Variants in LTN1 observed in about 807,000 individuals in gnomAD.
LTN1 encodes listerin E3 ubiquitin protein ligase 1.
A neutral mutation model predicts 201.2 loss-of-function variants in LTN1; 88 were observed. The observed-to-expected ratio is 0.44, with a 90% CI of 0.37 to 0.52. The LOEUF (loss-of-function observed/expected upper bound fraction) is 0.52, where lower values mean the gene tolerates loss of function less well. Among genes scored for constraint, LTN1 ranks in the 20% least tolerant of loss-of-function variants. The pLI is 0.00. For missense variants in LTN1, 1,752 were observed against 2,038.7 expected, an observed-to-expected ratio of 0.86 and a Z score of 2.71; for synonymous variants, 645 against 713.5, an observed-to-expected ratio of 0.90 and a Z score of 1.53.
At chr21:28,985,847 G>C (rs1168481254) in intron 3 of LTN1, among the ~76,000 whole-genome samples, 1 of 151,842 alleles carries the variant, frequency 6.6e-6, no homozygotes, top group Non-Finnish European at 1.5e-5. Context: ...TTTTAGTAGA[G>C]ACAGGGTTTC....
chr21:28,984,338 T>C (rs1032904264), intron 4 of LTN1, among the ~76,000 whole-genome samples: 11 of 151,496 alleles, frequency 7.3e-5, no homozygotes, highest in Non-Finnish European at 1.2e-4. Flanking sequence ...AAGTTAGATC[T>C]GTATATATAT....
chr21:28,978,075 C>G (rs2084630537), intron 6 of LTN1, among the ~76,000 whole-genome samples: 1 of 151,972 alleles, frequency 6.6e-6, no homozygotes. Flanking sequence ...TTCCCCTAGG[C>G]TGGAGTGCAG....
intron 6 of LTN1, among the ~76,000 whole-genome samples, chr21:28,972,021 T>C (rs2084578946): frequency 6.6e-6 from 1 of 152,202 alleles, no homozygotes; most frequent in Non-Finnish European, 1.5e-5. Context: ...AATTAGTATG[T>C]TGAAACTTAA....
At chr21:28,951,760 C>A (rs1025924306) in intron 18 of LTN1, among the ~76,000 whole-genome samples, 1 of 152,076 alleles carries the variant, frequency 6.6e-6, no homozygotes, top group African/African-American at 2.4e-5. Flanking sequence ...CTGCTTGAGC[C>A]CAGGAATTCA....
chr21:28,941,108 T>G, intron 25 of LTN1, 112 bp downstream of exon 25: 10 of 719,896 alleles, frequency 1.4e-5, no homozygotes, highest in Non-Finnish European at 2.0e-5. Context: ...TTTTAAAAGA[T>G]GAGATTAAAA....
chr21:28,966,524 T>C lies in LTN1; in HGVS notation c.1967A>G (p.Asn656Ser), dbSNP rs985656126. The change falls in exon 10 of 30, where the codon AAT (asparagine) becomes AGT (serine). Residue 656 changes from asparagine to serine, a missense_variant. Asn to Ser is a conservative substitution (Grantham distance 46, BLOSUM62 1). Transcript: ENST00000361371. Reference protein sequence around the residue: ...PLEIAKLVQKNPAVQFLYQKL... With the variant: ...PLEIAKLVQKSPAVQFLYQKL... ...CTGGTATAAAAACTGCACCGCAGGA[T>C]TTTTTTGTACAAGCTTGGCTATTTC... 6.2e-7 allele frequency: 1 copy of C among 1,614,130 alleles called. No homozygotes were observed. Among genetic ancestry groups the C allele is most frequent in the Non-Finnish European group, 8.5e-7 (1 of 1,179,992 alleles).
At chr21:28,992,382 G>A (rs907256105) in intron 1 of LTN1, among the ~76,000 whole-genome samples, 2 of 152,106 alleles carry the variant, frequency 1.3e-5, no homozygotes, top group Non-Finnish European at 2.9e-5. Flanking sequence ...CACAATCTGC[G>A]GTAACCTCCA....
intron 11 of LTN1, 28 bp downstream of exon 11, chr21:28,965,831 CAAAAAA>C (rs71335064): frequency 1.1e-6 from 1 of 902,210 alleles, no homozygotes; most frequent in East Asian, 3.5e-5. Context: ...CCCATAAATA[CAAAAAA>C]AAAAAGAAAA....
intron 24 of LTN1, among the ~76,000 whole-genome samples, chr21:28,942,441 G>A (rs1960373164): frequency 6.6e-6 from 1 of 152,002 alleles, no homozygotes; most frequent in South Asian, 2.1e-4. Context: ...TCATTTTTAA[G>A]GCCATTTATT....
chr21:28,968,930 G>A (rs961387489), intron 9 of LTN1, among the ~76,000 whole-genome samples: 3 of 150,750 alleles, frequency 2.0e-5, no homozygotes, highest in African/African-American at 7.3e-5. Flanking sequence ...TCTAAAACAG[G>A]GTTTTACAGG....
intron 7 of LTN1, 78 bp from the exon 8 acceptor site, chr21:28,970,820 C>CCTG: frequency 8.9e-7 from 1 of 1,124,074 alleles, no homozygotes; most frequent in East Asian, 2.7e-5. Context: ...AACATATAGG[C>CCTG]TCTCAAAAAG....
At position 28,956,856 on chromosome 21, in the gene LTN1, G is replaced by A. The variant is rs1156402148; in HGVS notation, c.2985C>T (p.Pro995=). The A allele has an allele frequency of 3.1e-6, 5 of 1,610,980 alleles. No individual in the cohort carries two copies. The highest frequency in any genetic ancestry group is 2.2e-5 in the East Asian group (1 of 44,756). ...DFKEQDIKTL[P]SHLCTSALLS... ...ATAATGCTGAAGTACACAAATGGCT[G>A]GGAAGTGTCTTTATGTCCTGTTCCT... The change falls in exon 16 of 30, where the codon CCC becomes CCT. Residue 995 remains proline (P), a synonymous_variant. Coordinates refer to ENST00000361371, the MANE Select transcript of LTN1 (RefSeq NM_015565.3).
intron 6 of LTN1, among the ~76,000 whole-genome samples, chr21:28,979,336 A>G (rs1261190038): frequency 1.3e-5 from 2 of 152,204 alleles, no homozygotes; most frequent in Non-Finnish European, 2.9e-5. Context: ...GGACACATGA[A>G]TGAAGATGTT....
At chr21:28,975,890 C>T (rs939709420) in intron 6 of LTN1, among the ~76,000 whole-genome samples, 37 of 152,248 alleles carry the variant, frequency 2.4e-4, no homozygotes, top group African/African-American at 8.9e-4. Flanking sequence ...CACACGAAAA[C>T]TGTACAAAAC....
intron 6 of LTN1, among the ~76,000 whole-genome samples, chr21:28,973,906 T>C (rs2084595446): frequency 6.6e-6 from 1 of 152,162 alleles, no homozygotes; most frequent in South Asian, 2.1e-4. Flanking sequence ...CTGACAAAGA[T>C]GTCAGAATAA....
At chr21:28,982,275 C>T in intron 5 of LTN1, 41 bp downstream of exon 5, 1 of 1,536,880 alleles carries the variant, frequency 6.5e-7, no homozygotes, top group Non-Finnish European at 9.0e-7. Flanking sequence ...ATGAGTGAAA[C>T]AAATCCTTAA....
In LTN1 at chr21:28,986,937, G is replaced by GAT; in HGVS notation, c.43-5_43-4dup. The GAT allele has an allele frequency of 6.2e-7, 1 of 1,610,554 alleles. No individual in the cohort carries two copies. Among genetic ancestry groups the GAT allele is most frequent in the Non-Finnish European group, 8.5e-7 (1 of 1,176,920 alleles). On this transcript the variant is annotated splice_polypyrimidine_tract_variant and splice_region_variant and intron_variant, in intron 1 of 29. Coordinates refer to ENST00000361371, the MANE Select transcript of LTN1 (RefSeq NM_015565.3). This position sits in a 1 kb window ranked among gnomAD's most constrained non-coding sequence, Gnocchi z 4.1. The stretch of plus-strand genomic sequence containing the variant: ...GCAGCTCGGCCACTGTTTGAAGGCT[G>GAT]ATAAGAAAATTACGGAGAAAAAAGT...
rs1464423334 is a variant in LTN1 at position 28,947,531 on chromosome 21, TTTC to T, written c.3417_3419del (p.Lys1140del). ...CAGGTATACATTGAGCACTAAATTC[TTTC>T]TTTTCTTCTTTTGACAAAAATGGAC... On this transcript the variant is annotated inframe_deletion, in exon 19 of 30. Transcript: ENST00000361371. The T allele has an allele frequency of 6.3e-7, 1 of 1,594,760 alleles. No homozygotes were observed. Among genetic ancestry groups the T allele is most frequent in the Non-Finnish European group, 8.5e-7 (1 of 1,172,762 alleles).
chr21:28,969,837 A>ATTTC (rs2084558627), intron 8 of LTN1, among the ~76,000 whole-genome samples: 1 of 152,048 alleles, frequency 6.6e-6, no homozygotes, highest in Non-Finnish European at 1.5e-5. Flanking sequence ...ATAAGAGAAT[A>ATTTC]TTTCCTTTTT....
Sources: allele counts gnomAD v4.1 joint callset (sites outside exome capture counted in the v4.1 genomes callset), GRCh38; gene constraint gnomAD v4.1.1; non-coding constraint Gnocchi (gnomAD v3.1); transcripts MANE v1.5; gene names NCBI Gene and HGNC (gene_info 2026-07-23, HGNC 2026-07-21).